WDR7: variants seen among roughly 807,000 people sequenced by gnomAD.
The protein encoded by WDR7 is WD repeat domain 7.
In WDR7, 46 loss-of-function variants were observed where a neutral mutation model predicts 169.4. The observed-to-expected ratio is 0.27, with a 90% confidence interval of 0.21 to 0.35. The LOEUF (loss-of-function observed/expected upper bound fraction) is 0.35. WDR7 is among the 10% of genes least tolerant of loss of function. The pLI is 1.00. For missense variants in WDR7, 1,534 were observed against 1,859.3 expected, an observed-to-expected ratio of 0.83 and a Z score of 3.22; for synonymous variants, 612 against 666.8, an observed-to-expected ratio of 0.92 and a Z score of 1.27.
chr18:57,000,667 A>G (rs1449730799), intron 26 of WDR7, among the ~76,000 whole-genome samples: 1 of 152,174 alleles, frequency 6.6e-6, no homozygotes, highest in African/African-American at 2.4e-5. Flanking sequence ...AGTGATGCAC[A>G]CAGGAAGTGC....
chr18:56,721,158 G>C (rs1425931819), intron 13 of WDR7, among the ~76,000 whole-genome samples: 2 of 152,078 alleles, frequency 1.3e-5, no homozygotes, highest in Non-Finnish European at 2.9e-5. Context: ...AGTGTTTCAG[G>C]AATGTATTTT....
intron 22 of WDR7, among the ~76,000 whole-genome samples, chr18:56,929,557 T>C (rs2046853136): frequency 6.6e-6 from 1 of 152,222 alleles, no homozygotes; most frequent in Non-Finnish European, 1.5e-5. Context: ...ACAACTTGGC[T>C]GAGGTCACAG....
intron 25 of WDR7, among the ~76,000 whole-genome samples, chr18:56,940,454 A>T (rs1226558642): frequency 2.6e-5 from 4 of 152,196 alleles, no homozygotes; most frequent in Non-Finnish European, 5.9e-5. Context: ...CACAAATTTT[A>T]AAAAAATTAT....
chr18:56,683,754 C>G (rs1295741630), intron 5 of WDR7, among the ~76,000 whole-genome samples: 1 of 152,196 alleles, frequency 6.6e-6, no homozygotes, highest in East Asian at 1.9e-4. Context: ...CACTGTGTTA[C>G]ACTGCTTCCC....
At chr18:56,679,294 A>G in intron 2 of WDR7, 38 bp from the exon 3 acceptor site, 1 of 1,537,552 alleles carries the variant, frequency 6.5e-7, no homozygotes, top group Non-Finnish European at 9.0e-7. Flanking sequence ...TTAATTTTTA[A>G]GTTTGGTACT....
chr18:56,924,318 G>A (rs1247666863), intron 22 of WDR7, among the ~76,000 whole-genome samples: 1 of 152,168 alleles, frequency 6.6e-6, no homozygotes, highest in Non-Finnish European at 1.5e-5. Flanking sequence ...CCCTGAGCCA[G>A]TGAATGATAT....
intron 21 of WDR7, among the ~76,000 whole-genome samples, chr18:56,910,406 A>G (rs1454113763): frequency 6.6e-6 from 1 of 152,172 alleles, no homozygotes; most frequent in African/African-American, 2.4e-5. Context: ...GCAGACTCAA[A>G]TGGTACTCTC....
intron 25 of WDR7, among the ~76,000 whole-genome samples, chr18:56,948,039 G>GTTTT (rs368412407): frequency 6.6e-6 from 1 of 150,884 alleles, no homozygotes; most frequent in African/African-American, 2.4e-5. Flanking sequence ...AAGGATTAGG[G>GTTTT]TTTTTTTTTA....
chr18:56,989,553 A>G (rs2047780346), intron 26 of WDR7, among the ~76,000 whole-genome samples: 1 of 152,206 alleles, frequency 6.6e-6, no homozygotes, highest in Non-Finnish European at 1.5e-5. Flanking sequence ...TAGGCATTTA[A>G]TGCATGCTGA....
intron 21 of WDR7, among the ~76,000 whole-genome samples, chr18:56,881,948 G>C (rs1003696472): frequency 3.9e-5 from 6 of 152,124 alleles, no homozygotes; most frequent in African/African-American, 1.4e-4. Flanking sequence ...TCTTCAAAAT[G>C]AACTTAAGAC....
At chr18:56,687,944 A>G (rs1033878592) in intron 7 of WDR7, among the ~76,000 whole-genome samples, 5 of 152,076 alleles carry the variant, frequency 3.3e-5, no homozygotes, top group African/African-American at 9.7e-5. Context: ...TGTTCTTTAA[A>G]AACAGTCACA....
intron 20 of WDR7, among the ~76,000 whole-genome samples, chr18:56,822,534 T>A (rs2145243829): frequency 6.6e-6 from 1 of 152,364 alleles, no homozygotes; most frequent in East Asian, 1.9e-4. Flanking sequence ...GCATATTATG[T>A]ATTCAGAAAC....
At chr18:56,792,866 T>C (rs759004575) in intron 19 of WDR7, among the ~76,000 whole-genome samples, 9 of 152,112 alleles carry the variant, frequency 5.9e-5, no homozygotes, top group Non-Finnish European at 8.8e-5. Flanking sequence ...CTTTCCCTTA[T>C]ATATAGGGCA....
chr18:56,767,911 AT>A (rs1376298337), intron 16 of WDR7, among the ~76,000 whole-genome samples: 1 of 152,094 alleles, frequency 6.6e-6, no homozygotes, highest in Non-Finnish European at 1.5e-5. Flanking sequence ...CATTGACAAT[AT>A]TTTCCAGGAT....
intron 1 of WDR7, among the ~76,000 whole-genome samples, chr18:56,656,279 G>GT (rs1217856567): frequency 0.019 from 2,474 of 132,568 alleles, 46 homozygotes; most frequent in African/African-American, 0.052. Context: ...TACTGTCACT[G>GT]TTTTTTTTTT....
intron 1 of WDR7, among the ~76,000 whole-genome samples, chr18:56,654,465 T>A (rs1187988801): frequency 6.6e-6 from 1 of 152,256 alleles, no homozygotes; most frequent in East Asian, 1.9e-4. Flanking sequence ...TTTTATCTTT[T>A]TTAATTTTTT....
At chr18:57,034,621 C>CGTGCTGATGGAGGGCGAT (rs1293476539), downstream of WDR7, 1 of 152,080 alleles carries the variant, frequency 6.6e-6, no homozygotes, top group Admixed American at 6.5e-5. Context: ...GCTTGTATGG[C>CGTGCTGATGGAGGGCGAT]GTGCTGATGG....
intron 22 of WDR7, among the ~76,000 whole-genome samples, chr18:56,930,923 T>G (rs1025381383): frequency 6.6e-6 from 1 of 152,252 alleles, no homozygotes; most frequent in Non-Finnish European, 1.5e-5. Context: ...AAAGTGTTCT[T>G]ACATGTAACT....
intron 4 of WDR7, among the ~76,000 whole-genome samples, chr18:56,682,222 G>T (rs1244341124): frequency 1.3e-5 from 2 of 152,078 alleles, no homozygotes; most frequent in African/African-American, 2.4e-5. Flanking sequence ...CTTCTAAATT[G>T]TATTTGCATA....
Sources: gnomAD v4.1 joint callset for allele counts (sites outside exome capture counted in the v4.1 genomes callset) on GRCh38, gnomAD v4.1.1 for gene constraint, MANE v1.5 for transcripts, NCBI Gene and HGNC (gene_info 2026-07-23, HGNC 2026-07-21) for gene names.